Variants in UBR2 observed in about 807,000 individuals in gnomAD.
The protein encoded by UBR2 is E3 ubiquitin-protein ligase UBR2.
In UBR2, 92 loss-of-function variants were observed where a neutral mutation model predicts 247.9. That is an observed-to-expected ratio of 0.37 (90% CI 0.31 to 0.44). The LOEUF is 0.44. UBR2 is among the 20% of genes least tolerant of loss of function. The pLI is 1.00. For missense variants in UBR2, 1,613 were observed against 2,112.6 expected, an observed-to-expected ratio of 0.76 and a Z score of 4.64; for synonymous variants, 672 against 693.5, an observed-to-expected ratio of 0.97 and a Z score of 0.49.
rs767694157 is a variant in UBR2 at position 42,679,802 on chromosome 6, A to G, written c.4688A>G (p.Asn1563Ser). ...PNNLICLFQE[N>S]SEIMNSLIES... ...AACCTCATTTGCCTTTTTCAAGAAA[A>G]TAGTGAGATAATGAATTCACTGATT... The change falls in exon 42 of 47, where the codon AAT becomes AGT. Residue 1563 changes from asparagine (N) to serine (S), a missense_variant. Physicochemically the swap from Asn to Ser is conservative, Grantham distance 46. This residue lies in a region of UBR2 where 1,524 missense variants were observed against 1,967.3 expected (regional missense o/e 0.77). Transcript: ENST00000372901. 7.4e-6 allele frequency: 12 copies of G among 1,611,630 alleles called. 1 individual carries two copies. The highest frequency in any genetic ancestry group is 1.0e-5 in the Non-Finnish European group (12 of 1,178,066).
chr6:42,659,346 A>C lies in UBR2; in HGVS notation c.3243-310A>C, dbSNP rs923492970. Among the ~76,000 whole-genome samples, 1 of 151,714 alleles carries C rather than the reference A, an allele frequency of 6.6e-6. No individual in the cohort carries two copies. The highest frequency in any genetic ancestry group is 2.4e-5 in the African/African-American group (1 of 41,304). On this transcript the variant is annotated intron_variant, in intron 29 of 46. Coordinates refer to ENST00000372901, the MANE Select transcript of UBR2 (RefSeq NM_001363705.2). This position sits in a 1 kb window ranked among gnomAD's most constrained non-coding sequence, Gnocchi z 4.3. ...CCATCTCTACTAAAAATACAAAAAA[A>C]AAAAATTAGCCGGGTGTGGTGGTGC...
chr6:42,615,246 T>C (rs1794466703), intron 9 of UBR2, 68 bp downstream of exon 9: 2 of 1,233,326 alleles, frequency 1.6e-6, no homozygotes, highest in Admixed American at 2.4e-5. Flanking sequence ...GAAAGGTTTT[T>C]ATCATTTGGG....
Position 42,632,563 on chromosome 6 carries a change from C to A in UBR2, c.1293C>A (p.Leu431=). 1 of 1,604,848 alleles carries A rather than the reference C, an allele frequency of 6.2e-7. No individual in the cohort carries two copies. Among genetic ancestry groups the A allele is most frequent in the South Asian group, 1.1e-5 (1 of 89,256 alleles). ...IFTVPSLARM[L]ITEENLMSII... is the part of the protein sequence containing the mutation. ...AACTTTGTTTTTAGGCTCGAATGCT[C>A]ATCACAGAAGAAAACTTAATGAGCA... The change falls in exon 12 of 47, where the codon CTC becomes CTA. Residue 431 remains leucine, a synonymous_variant. Coordinates refer to ENST00000372901, the MANE Select transcript of UBR2 (RefSeq NM_001363705.2).
At chr6:42,686,821 G>T (rs983257960) in intron 44 of UBR2, among the ~76,000 whole-genome samples, 6 of 151,818 alleles carry the variant, frequency 4.0e-5, no homozygotes, top group Non-Finnish European at 7.4e-5. Flanking sequence ...GCGGCTGCCG[G>T]GCGGAGGGGC....
At position 42,619,453 on chromosome 6, in the gene UBR2, A is replaced by ATAATTTTTTTTT; in HGVS notation, c.1281+1947_1281+1948insAATTTTTTTTTT. On this transcript the variant is annotated intron_variant, in intron 11 of 46. Transcript: ENST00000372901. ...TATATATATATATATATATATATAT[A>ATAATTTTTTTTT]TTTTTTTTTTTTAGTTCTCTATCTC... 8.0e-4 allele frequency: 19 copies of ATAATTTTTTTTT among 23,728 alleles called. 3 individuals carry two copies. Among genetic ancestry groups the ATAATTTTTTTTT allele is most frequent in the African/African-American group, 1.7e-3 (14 of 8,100 alleles). 1.5% of individuals were successfully genotyped at this position (23,728 alleles called of 1,614,324 possible).
intron 25 of UBR2, among the ~76,000 whole-genome samples, chr6:42,654,133 T>C (rs1797292530): frequency 6.6e-6 from 1 of 152,194 alleles, no homozygotes; most frequent in African/African-American, 2.4e-5. Context: ...TCTCACTGGC[T>C]AAGATGTGTG....
chr6:42,655,578 A>AT (rs2151969949), intron 25 of UBR2, 43 bp from the exon 26 acceptor site: 1 of 1,209,512 alleles, frequency 8.3e-7, no homozygotes, highest in Non-Finnish European at 1.1e-6. Flanking sequence ...TATGTACTTG[A>AT]TTTTTTAAAT....
At chr6:42,635,644 G>A (rs1239581172) in intron 14 of UBR2, 98 bp downstream of exon 14, 5 of 1,400,932 alleles carry the variant, frequency 3.6e-6, no homozygotes, top group Middle Eastern at 1.9e-4. Context: ...AGAAAATAGT[G>A]GTGATACTTA....
rs147341260 is a variant in UBR2 at position 42,674,678 on chromosome 6, C to G, written c.4251+485C>G. Among the ~76,000 whole-genome samples, 455 of 152,048 alleles carry G rather than the reference C, an allele frequency of 3.0e-3. 3 individuals are homozygous for G. The highest frequency in any genetic ancestry group is 0.01 in the African/African-American group (434 of 41,482). On this transcript the variant is annotated intron_variant, in intron 38 of 46. Coordinates refer to ENST00000372901, the MANE Select transcript of UBR2 (RefSeq NM_001363705.2). The stretch of plus-strand genomic sequence containing the variant: ...TCAGGAAAGTGAGACAGGAGAATCA[C>G]TTGAACCCAGGAGGCGGAGGTTGCA...
At chr6:42,621,164 C>G (rs73440669) in intron 11 of UBR2, among the ~76,000 whole-genome samples, 3,546 of 152,208 alleles carry the variant, frequency 0.023, 124 homozygotes, top group African/African-American at 0.08. Context: ...GCTGCCTTTC[C>G]CATTTAAATT....
Position 42,659,858 on chromosome 6 carries a change from A to AAGTCAT in UBR2, c.3442+6_3442+11dup, listed in dbSNP as rs748849719. ...AAGTAAATTTATTCAAGATCCAGGTAAGTCATAGCTAGATCCTCATCTTCC... is the reference window on the plus strand; with the variant it reads ...AAGTAAATTTATTCAAGATCCAGGTAAGTCATAGTCATAGCTAGATCCTCATCTTCC... On this transcript the variant is annotated splice_donor_region_variant and intron_variant, in intron 30 of 46. Coordinates refer to ENST00000372901, the MANE Select transcript of UBR2 (RefSeq NM_001363705.2). This position sits in a 1 kb window ranked among gnomAD's most constrained non-coding sequence, Gnocchi z 4.3. 1.9e-5 allele frequency: 31 copies of AAGTCAT among 1,613,386 alleles called. No individual in the cohort carries two copies. Among genetic ancestry groups the AAGTCAT allele is most frequent in the Non-Finnish European group, 2.4e-5 (28 of 1,179,636 alleles).
chr6:42,662,957 A>G (rs1267081554), intron 31 of UBR2, among the ~76,000 whole-genome samples: 1 of 152,044 alleles, frequency 6.6e-6, no homozygotes, highest in Non-Finnish European at 1.5e-5. Flanking sequence ...AACAACAAAA[A>G]AAAAACAAAT....
At chr6:42,620,971 TTTTG>T (rs755703319) in intron 11 of UBR2, among the ~76,000 whole-genome samples, 9 of 151,172 alleles carry the variant, frequency 6.0e-5, no homozygotes, top group Non-Finnish European at 1.0e-4. Context: ...TACCTGGCTA[TTTTG>T]TTTGTTTGTT....
At chr6:42,611,087 C>T (rs537944252) in intron 7 of UBR2, among the ~76,000 whole-genome samples, 26 of 149,150 alleles carry the variant, frequency 1.7e-4, no homozygotes, top group African/African-American at 6.4e-4. Context: ...CTCAGGTGAT[C>T]CGCCTGCCTC....
At position 42,692,313 on chromosome 6, in the gene UBR2, A is replaced by G. The variant is rs1052307773; in HGVS notation, c.*1140A>G. 2 of 152,200 alleles carry G rather than the reference A, an allele frequency of 1.3e-5. No homozygotes were observed. Among genetic ancestry groups the G allele is most frequent in the African/African-American group, 4.8e-5 (2 of 41,450 alleles). The allele number at this position is 152,200 out of a possible 1,614,324, so 9.4% of individuals were successfully genotyped here. On this transcript the variant is annotated 3_prime_UTR_variant, in exon 47 of 47. Transcript: ENST00000372901. ...CAGCCAGCATTTCCTGGAACAGACA[A>G]GCTGCTGCTTCCTTGCTGGCTCACT...
At chr6:42,566,483 CA>C (rs929466024) in intron 1 of UBR2, among the ~76,000 whole-genome samples, 1 of 152,170 alleles carries the variant, frequency 6.6e-6, no homozygotes, top group African/African-American at 2.4e-5. Context: ...CTCCGGGGTT[CA>C]AGTGATTCTC....
rs1797924145 is a variant in UBR2 at position 42,663,270 on chromosome 6, C to T, written c.3549C>T (p.Ser1183=). 6 of 1,600,272 alleles carry T rather than the reference C, an allele frequency of 3.7e-6. No homozygotes were observed. The highest frequency in any genetic ancestry group is 1.7e-5 in the Admixed American group (1 of 57,534). The change falls in exon 32 of 47, where the codon TCC becomes TCT. Residue 1183 remains serine (S), a synonymous_variant. Transcript: ENST00000372901. ...HAHCWQRYFD[S]VQAKEQRRQQ... is the part of the protein sequence containing the mutation. ...TCTAATTGTAAAGGTATTTTGATTC[C>T]GTTCAAGCTAAAGAACAGCGAAGGC...
intron 1 of UBR2, among the ~76,000 whole-genome samples, chr6:42,565,708 G>A (rs1383255999): frequency 1.3e-5 from 2 of 151,956 alleles, no homozygotes; most frequent in Admixed American, 6.6e-5. Flanking sequence ...TTACAGGCAT[G>A]CACCACCACG....
intron 26 of UBR2, 119 bp from the exon 27 acceptor site, chr6:42,657,905 C>A: frequency 1.5e-6 from 1 of 666,976 alleles, no homozygotes; most frequent in Admixed American, 2.7e-5. Context: ...TTTGGTAGAG[C>A]CATAATCAAA....
Sources: gnomAD v4.1 joint callset for allele counts (sites outside exome capture counted in the v4.1 genomes callset) on GRCh38, gnomAD v4.1.1 for gene constraint, gnomAD v4.1.1 regional missense constraint, Gnocchi (gnomAD v3.1) non-coding constraint, MANE v1.5 for transcripts, NCBI Gene and HGNC (gene_info 2026-07-23, HGNC 2026-07-21) for gene names.